Variants in SLC4A3 observed in about 807,000 individuals in gnomAD.
SLC4A3 encodes anion exchange protein 3.
Under a neutral mutation model 114.2 loss-of-function variants are expected in SLC4A3, and 47 were observed. The ratio of observed to expected loss-of-function variants is 0.41; its 90% CI spans 0.33 to 0.52. The LOEUF (loss-of-function observed/expected upper bound fraction) is 0.52. Among genes scored for constraint, SLC4A3 ranks in the 20% least tolerant of loss-of-function variants. SLC4A3 has a pLI of 0.21. For missense variants in SLC4A3, 1,312 were observed against 1,668.3 expected, an observed-to-expected ratio of 0.79 and a Z score of 3.72; for synonymous variants, 693 against 710.3, an observed-to-expected ratio of 0.98 and a Z score of 0.39.
Position 219,637,300 on chromosome 2 carries a change from G to T in SLC4A3, c.2536-281G>T, listed in dbSNP as rs566305666. ...GTGTGCCTGTGTGTGCATGTTGTGT[G>T]TGTTGTGTGTATGTATGTTGTGTGT... On this transcript the variant is annotated intron_variant, in intron 16 of 22. Coordinates refer to ENST00000358055, the MANE Select transcript of SLC4A3 (RefSeq NM_005070.4). The surrounding 1 kb of genome is among the most constrained non-coding windows in gnomAD (Gnocchi z 4.6). Among the ~76,000 whole-genome samples, 4 of 151,292 alleles carry T rather than the reference G, an allele frequency of 2.6e-5. No homozygotes were observed. The East Asian group carries it at 7.8e-4, about 29-fold the overall frequency.
Position 219,631,399 on chromosome 2 carries a change from G to A in SLC4A3, c.812-569G>A, listed in dbSNP as rs1698916395. The A allele has an allele frequency of 3.8e-6, 5 of 1,304,326 alleles. No homozygotes were observed. Among genetic ancestry groups the A allele is most frequent in the Non-Finnish European group, 5.1e-6 (5 of 988,956 alleles). The allele number at this position is 1,304,326 out of a possible 1,614,324, so 80.8% of individuals were successfully genotyped here. On this transcript the variant is annotated intron_variant, in intron 6 of 22. Transcript: ENST00000358055. The surrounding 1 kb of genome is among the most constrained non-coding windows in gnomAD (Gnocchi z 6.3). ...ATGTTTGTGCTGGACTTTGAGGATG[G>A]TGACCTGTGGGAGTCCATCAGGGGC... is the stretch of plus-strand genomic sequence containing the variant.
intron 10 of SLC4A3, 46 bp from the exon 11 acceptor site, chr2:219,633,834 G>A (rs758444201): frequency 3.9e-6 from 6 of 1,550,570 alleles, no homozygotes; most frequent in South Asian, 3.6e-5. Context: ...GGCCTGCCAC[G>A]GCCTCCGGTC....
In SLC4A3 at chr2:219,628,187, G is replaced by GT; in HGVS notation, c.51+149dup. On this transcript the variant is annotated intron_variant, in intron 2 of 22. Transcript: ENST00000358055. The surrounding 1 kb of genome is among the most constrained non-coding windows in gnomAD (Gnocchi z 4.8). Reference sequence around the variant, plus strand: ...CTGGGGGTTACGGAGAAAGAGGGGGGTTTTTGATATTTTCCAGATCCGTAG... The same window carrying GT: ...CTGGGGGTTACGGAGAAAGAGGGGGGTTTTTTGATATTTTCCAGATCCGTAG... 1.2e-6 allele frequency: 1 copy of GT among 820,624 alleles called. No homozygotes were observed. The highest frequency in any genetic ancestry group is 2.8e-5 in the East Asian group (1 of 35,434). 50.8% of individuals were successfully genotyped at this position (820,624 alleles called of 1,614,324 possible).
chr2:219,632,243 C>A lies in SLC4A3; in HGVS notation c.961-19C>A. The A allele has an allele frequency of 6.2e-7, 1 of 1,613,834 alleles. No individual in the cohort carries two copies. The highest frequency in any genetic ancestry group is 8.5e-7 in the Non-Finnish European group (1 of 1,179,964). On this transcript the variant is annotated intron_variant, in intron 7 of 22. Coordinates refer to ENST00000358055, the MANE Select transcript of SLC4A3 (RefSeq NM_005070.4). ...ACACCTGTTGGCCCCTGGGCCCTCA[C>A]CTTTGGCACGCCCCCCAGGTGTTCG... is the stretch of plus-strand genomic sequence containing the variant.
At position 219,632,919 on chromosome 2, in the gene SLC4A3, C is replaced by T. The variant is rs1261400377; in HGVS notation, c.1187C>T (p.Ala396Val). 1 of 1,614,072 alleles carries T rather than the reference C, an allele frequency of 6.2e-7. No individual in the cohort carries two copies. Among genetic ancestry groups the T allele is most frequent in the Non-Finnish European group, 8.5e-7 (1 of 1,180,038 alleles). The change falls in exon 9 of 23, where the codon GCA becomes GTA. Residue 396 changes from alanine to valine, a missense_variant. Physicochemically the swap from Ala to Val is moderately conservative, Grantham distance 64 (BLOSUM62 0). Transcript: ENST00000358055. ...DLEQTTLPGIAHLVVETMIVS... is the reference protein window; with the variant it reads ...DLEQTTLPGIVHLVVETMIVS... ...GAGCAAACCACCCTGCCAGGCATTGCACACCTCGTGGTGGAGACCATGATT... is the reference window on the plus strand; with the variant it reads ...GAGCAAACCACCCTGCCAGGCATTGTACACCTCGTGGTGGAGACCATGATT...
Position 219,630,969 on chromosome 2 carries a change from G to A in SLC4A3, c.811+617G>A. The A allele has an allele frequency of 4.0e-6, 1 of 249,196 alleles. No homozygotes were observed. Among genetic ancestry groups the A allele is most frequent in the South Asian group, 1.5e-4 (1 of 6,628 alleles). The allele number at this position is 249,196 out of a possible 1,614,324, so 15.4% of individuals were successfully genotyped here. A position where few individuals can be genotyped will look rare whatever the true frequency, so the allele number is the denominator to read the frequency against. On this transcript the variant is annotated intron_variant, in intron 6 of 22. Transcript: ENST00000358055. The surrounding 1 kb of genome is among the most constrained non-coding windows in gnomAD (Gnocchi z 6.9). The stretch of plus-strand genomic sequence containing the variant: ...AGGGCTTTGAGCTCAATACGTCATG[G>A]AAAGTTGCCAGGGCCTGAGGACAGG...
Position 219,631,998 on chromosome 2 carries a change from G to A in SLC4A3, c.842G>A (p.Arg281Gln), listed in dbSNP as rs1307780183. 3 of 1,612,448 alleles carry A rather than the reference G, an allele frequency of 1.9e-6. No homozygotes were observed. Among genetic ancestry groups the A allele is most frequent in the Non-Finnish European group, 2.5e-6 (3 of 1,179,320 alleles). The change falls in exon 7 of 23, where the codon CGG (arginine) becomes CAG (glutamine). Residue 281 changes from arginine to glutamine, a missense_variant. Arg to Gln is a conservative substitution (Grantham distance 43, BLOSUM62 1). Around this residue, in one of 4 missense-constraint regions of SLC4A3, gnomAD observed 771 missense variants for 977.7 expected, o/e 0.79. Coordinates refer to ENST00000358055, the MANE Select transcript of SLC4A3 (RefSeq NM_005070.4). The surrounding 1 kb of genome is among the most constrained non-coding windows in gnomAD (Gnocchi z 6.3). ...SHRLEDNPGV[R>Q]RHLVKKPSRT... The stretch of plus-strand genomic sequence containing the variant: ...CGACTGGAGGACAACCCTGGTGTGC[G>A]GCGACACTTAGTGAAAAAGCCCTCC...
chr2:219,635,583 C>T lies in SLC4A3; in HGVS notation c.1972+87C>T, dbSNP rs528970332. ...TGTGACCCCAGCCCCGTCCTGACTC[C>T]TGGAGTCCTTTGCATCCCTGATCCC... On this transcript the variant is annotated intron_variant, in intron 13 of 22. Coordinates refer to ENST00000358055, the MANE Select transcript of SLC4A3 (RefSeq NM_005070.4). 43 of 1,481,824 alleles carry T rather than the reference C, an allele frequency of 2.9e-5. No individual in the cohort carries two copies. The African/African-American group carries it at 5.6e-4, about 19-fold the overall frequency. 91.8% of individuals were successfully genotyped at this position (1,481,824 alleles called of 1,614,324 possible).
In SLC4A3 at chr2:219,635,729, C is replaced by T. The variant is rs1269993679; in HGVS notation, c.2029C>T (p.Arg677Trp). 4 of 1,595,510 alleles carry T rather than the reference C, an allele frequency of 2.5e-6. No individual in the cohort carries two copies. The highest frequency in any genetic ancestry group is 1.4e-5 in the African/African-American group (1 of 73,918). ...EATPEDDPLL[R>W]TGSVFGGLVR... ...AACCCCTGAAGATGACCCCTTGCTGCGGACGGGCTCGGTATTTGGGGGGCT... is the reference window on the plus strand; with the variant it reads ...AACCCCTGAAGATGACCCCTTGCTGTGGACGGGCTCGGTATTTGGGGGGCT... The change falls in exon 14 of 23, where the codon CGG becomes TGG. Residue 677 changes from arginine (R) to tryptophan (W), a missense_variant. Physicochemically the swap from Arg to Trp is moderately radical, Grantham distance 101. Coordinates refer to ENST00000358055, the MANE Select transcript of SLC4A3 (RefSeq NM_005070.4).
chr2:219,631,296 G>T lies in SLC4A3; in HGVS notation c.812-672G>T, dbSNP rs927471730. ...CAATGGGGCACTGAGCCCTGGGCCT[G>T]GGGATACCAATAGCTGGGGCTTTGG... On this transcript the variant is annotated intron_variant, in intron 6 of 22. Transcript: ENST00000358055. The surrounding 1 kb of genome is among the most constrained non-coding windows in gnomAD (Gnocchi z 6.3). The T allele has an allele frequency of 6.9e-6, 9 of 1,303,686 alleles. No homozygotes were observed. Among genetic ancestry groups the T allele is most frequent in the Non-Finnish European group, 8.1e-6 (8 of 988,536 alleles). 80.8% of individuals were successfully genotyped at this position (1,303,686 alleles called of 1,614,324 possible). A position where few individuals can be genotyped will look rare whatever the true frequency, so the allele number is the denominator to read the frequency against.
Position 219,629,365 on chromosome 2 carries a change from G to C in SLC4A3, c.439G>C (p.Glu147Gln). ...EEEEEEEEEG[E>Q]SEAEPVEPPH... ...GGAGGAAGAGGAGGAAGAGGAAGGA[G>C]AATCTGAGGCAGAACCTGTGGAGCC... is the stretch of plus-strand genomic sequence containing the variant. Residue 147 changes from glutamate (E) to glutamine (Q), a missense_variant, in exon 4 of 23, where the codon GAA (glutamate) becomes CAA (glutamine). Physicochemically the swap from Glu to Gln is conservative, Grantham distance 29. Transcript: ENST00000358055. 4.4e-6 allele frequency: 7 copies of C among 1,603,148 alleles called. No individual in the cohort carries two copies. The highest frequency in any genetic ancestry group is 6.0e-6 in the Non-Finnish European group (7 of 1,174,302).
chr2:219,634,263 G>A (rs1347906221), intron 11 of SLC4A3, among the ~76,000 whole-genome samples, 157 bp from the exon 12 acceptor site: 1 of 152,230 alleles, frequency 6.6e-6, no homozygotes, highest in Non-Finnish European at 1.5e-5. Context: ...TGTAATCAAT[G>A]TGTAGACACA....
chr2:219,638,242 A>G lies in SLC4A3; in HGVS notation c.2845A>G (p.Thr949Ala), dbSNP rs1173049681. Residue 949 changes from threonine to alanine, a missense_variant, in exon 18 of 23, where the codon ACC becomes GCC. Coordinates refer to ENST00000358055, the MANE Select transcript of SLC4A3 (RefSeq NM_005070.4). This position sits in a 1 kb window ranked among gnomAD's most constrained non-coding sequence, Gnocchi z 7.5. ...MVLVDYSITDTYTQKLTVPTG... is the reference protein window; with the variant it reads ...MVLVDYSITDAYTQKLTVPTG... ...CCTGGTGGATTACTCCATCACAGAC[A>G]CCTACACGCAGGTGAGGGAGCCCCA... 6.2e-7 allele frequency: 1 copy of G among 1,610,676 alleles called. No individual in the cohort carries two copies. Among genetic ancestry groups the G allele is most frequent in the Non-Finnish European group, 8.5e-7 (1 of 1,178,200 alleles).
rs61753431 is a variant in SLC4A3 at position 219,637,703 on chromosome 2, G to A, written c.2658G>A (p.Pro886=). The change falls in exon 17 of 23, where the codon CCG becomes CCA. Residue 886 remains proline, a synonymous_variant. Transcript: ENST00000358055. The surrounding 1 kb of genome is among the most constrained non-coding windows in gnomAD (Gnocchi z 4.6). The stretch of plus-strand genomic sequence containing the variant: ...CCCCCACCGAGGGCCCCCCCAGCCC[G>A]AGGAACCAGCCCAATACGGCACTGC... ...ALPPTEGPPS[P]RNQPNTALLS... is the part of the protein sequence containing the mutation. The A allele has an allele frequency of 6.5e-4, 1,043 of 1,613,704 alleles. 6 individuals carry two copies. In the African/African-American group the frequency reaches 0.012, roughly 19 times the overall value.
Position 219,638,099 on chromosome 2 carries a change from C to T in SLC4A3, c.2767-65C>T. ...CCCAGGCAGGGCCAGAGATGGCAAG[C>T]CCCGTGTTAGTCTGCTGACCTTGCC... On this transcript the variant is annotated intron_variant, in intron 17 of 22. Transcript: ENST00000358055. The surrounding 1 kb of genome is among the most constrained non-coding windows in gnomAD (Gnocchi z 7.5). The T allele has an allele frequency of 7.6e-7, 1 of 1,316,406 alleles. No individual in the cohort carries two copies. Among genetic ancestry groups the T allele is most frequent in the Non-Finnish European group, 1.1e-6 (1 of 930,256 alleles). 81.5% of individuals were successfully genotyped at this position (1,316,406 alleles called of 1,614,324 possible).
Position 219,629,613 on chromosome 2 carries a change from G to C in SLC4A3, c.529G>C (p.Gly177Arg). 15 of 1,613,330 alleles carry C rather than the reference G, an allele frequency of 9.3e-6. No individual in the cohort carries two copies. Among genetic ancestry groups the C allele is most frequent in the Non-Finnish European group, 1.3e-5 (15 of 1,179,796 alleles). The change falls in exon 5 of 23, where the codon GGC becomes CGC. Residue 177 changes from glycine to arginine, a missense_variant. Physicochemically the swap from Gly to Arg is moderately radical, Grantham distance 125. Coordinates refer to ENST00000358055, the MANE Select transcript of SLC4A3 (RefSeq NM_005070.4). ...TGGAAGTGACGAGGATGACAGTCCA[G>C]GCCTCCCTGGGAGGGCTGCTGTCAC... ...SIGSDEDDSP[G>R]LPGRAAVTKP...
At position 219,628,290 on chromosome 2, in the gene SLC4A3, G is replaced by C; in HGVS notation, c.52-115G>C. On this transcript the variant is annotated intron_variant, in intron 2 of 22. Transcript: ENST00000358055. The surrounding 1 kb of genome is among the most constrained non-coding windows in gnomAD (Gnocchi z 4.8). ...TGACACAGGCCTGGGAGCAAGGGGA[G>C]GGGGCCCGATGGTGTGAGAGCCTGC... is the stretch of plus-strand genomic sequence containing the variant. 1 of 1,154,046 alleles carries C rather than the reference G, an allele frequency of 8.7e-7. No homozygotes were observed. The highest frequency in any genetic ancestry group is 1.6e-5 in the South Asian group (1 of 61,272). The allele number at this position is 1,154,046 out of a possible 1,614,324, so 71.5% of individuals were successfully genotyped here. A position where few individuals can be genotyped will look rare whatever the true frequency, so the allele number is the denominator to read the frequency against.
chr2:219,637,820 C>T lies in SLC4A3; in HGVS notation c.2766+9C>T. ...GCTTCCTGGGGGGCAAGGTGCGTGGCTGCTGGGTGTGGAGCCCCCAAGAGT... is the reference window on the plus strand; with the variant it reads ...GCTTCCTGGGGGGCAAGGTGCGTGGTTGCTGGGTGTGGAGCCCCCAAGAGT... On this transcript the variant is annotated intron_variant, in intron 17 of 22. Transcript: ENST00000358055. This position sits in a 1 kb window ranked among gnomAD's most constrained non-coding sequence, Gnocchi z 4.6. The T allele has an allele frequency of 6.2e-7, 1 of 1,602,612 alleles. No individual in the cohort carries two copies. The highest frequency in any genetic ancestry group is 8.5e-7 in the Non-Finnish European group (1 of 1,169,694).
In SLC4A3 at chr2:219,629,269, A is replaced by C. The variant is rs1574643995; in HGVS notation, c.343A>C (p.Thr115Pro). The change falls in exon 4 of 23, where the codon ACC becomes CCC. Residue 115 changes from threonine to proline, a missense_variant. Thr to Pro is a conservative substitution (Grantham distance 38). Transcript: ENST00000358055. ...HTRRKRKKEK[T>P]SAPPSEGTPP... ...CAGGAGAAAGAGGAAGAAGGAGAAAACCTCTGCTCCTCCCTCCGAGGGGAC... is the reference window on the plus strand; with the variant it reads ...CAGGAGAAAGAGGAAGAAGGAGAAACCCTCTGCTCCTCCCTCCGAGGGGAC... 6.2e-7 allele frequency: 1 copy of C among 1,613,622 alleles called. No homozygotes were observed.
Sources: allele counts gnomAD v4.1 joint callset (sites outside exome capture counted in the v4.1 genomes callset), GRCh38; gene constraint gnomAD v4.1.1; regional missense constraint gnomAD v4.1.1; non-coding constraint Gnocchi (gnomAD v3.1); transcripts MANE v1.5; gene names NCBI Gene and HGNC (gene_info 2026-07-23, HGNC 2026-07-21).